The following SPEN variants were observed in gnomAD, a reference collection of about 807,000 sequenced individuals.
SPEN encodes the protein msx2-interacting protein.
SPEN carries 18 observed loss-of-function variants against 269.9 expected under a neutral mutation model. The observed-to-expected ratio is 0.07, with a 90% CI of 0.05 to 0.10. The LOEUF (loss-of-function observed/expected upper bound fraction) is 0.10, where lower values mean the gene tolerates loss of function less well. Among genes scored for constraint, SPEN ranks in the 10% least tolerant of loss-of-function variants. The pLI is 1.00. For synonymous variants in SPEN, 1,726 were observed against 1,765.7 expected, an observed-to-expected ratio of 0.98 and a Z score of 0.56; for missense variants, 3,822 against 4,631.2, an observed-to-expected ratio of 0.83 and a Z score of 5.07.
intron 3 of SPEN, among the ~76,000 whole-genome samples, chr1:15,883,719 T>G (rs2070710183): frequency 6.6e-6 from 1 of 152,186 alleles, no homozygotes. Flanking sequence ...CTGTATATTT[T>G]TTTTTAATTA....
At chr1:15,852,386 A>G (rs188147972) in intron 1 of SPEN, among the ~76,000 whole-genome samples, 104 of 152,346 alleles carry the variant, frequency 6.8e-4, no homozygotes, top group Non-Finnish European at 1.2e-4. Context: ...TAAAAATAAA[A>G]CAAAAAATTC....
chr1:15,884,622 T>C (rs762332302), intron 3 of SPEN, among the ~76,000 whole-genome samples: 76 of 152,240 alleles, frequency 5.0e-4, no homozygotes, highest in Non-Finnish European at 8.7e-4. Flanking sequence ...CTGTACAGTT[T>C]CTTATGATAC....
At chr1:15,863,124 CCTATAGTCCAGCTA>C (rs1307808185) in intron 1 of SPEN, among the ~76,000 whole-genome samples, 2 of 152,094 alleles carry the variant, frequency 1.3e-5, no homozygotes, top group Non-Finnish European at 2.9e-5. Context: ...GTGGTATGTA[CCTATAGTCCAGCTA>C]CTTGGAAGGC....
chr1:15,929,679 C>T lies in SPEN; in HGVS notation c.3439C>T (p.Gln1147Ter). Residue 1147 changes from glutamine to a stop codon, truncating the protein, a stop_gained, in exon 11 of 15, where the codon CAA becomes TAA. Transcript: ENST00000375759. LOFTEE classifies it high-confidence loss of function. This position sits in a 1 kb window ranked among gnomAD's most constrained non-coding sequence, Gnocchi z 5.8. ...RDETPERKSG[Q>*]EKSHSVNTEE... ...TGAAACACCTGAACGTAAATCAGGC[C>T]AAGAGAAATCACATTCAGTAAATAC... 6.2e-7 allele frequency: 1 copy of T among 1,613,950 alleles called. No homozygotes were observed. The highest frequency in any genetic ancestry group is 8.5e-7 in the Non-Finnish European group (1 of 1,179,964).
chr1:15,931,195 C>T lies in SPEN; in HGVS notation c.4955C>T (p.Ser1652Leu), dbSNP rs2071217163. 9 of 1,614,208 alleles carry T rather than the reference C, an allele frequency of 5.6e-6. No individual in the cohort carries two copies. In the East Asian group the frequency reaches 2.0e-4, roughly 36 times the overall value. ...VTVVTLESAP[S>L]ALEKTTGDKT... ...GTCGTAACTCTAGAATCAGCCCCAT[C>T]AGCACTAGAGAAGACCACTGGTGAC... Residue 1652 changes from serine to leucine, a missense_variant, in exon 11 of 15, where the codon TCA (serine) becomes TTA (leucine). Physicochemically the swap from Ser to Leu is moderately radical, Grantham distance 145. Coordinates refer to ENST00000375759, the MANE Select transcript of SPEN (RefSeq NM_015001.3). This position sits in a 1 kb window ranked among gnomAD's most constrained non-coding sequence, Gnocchi z 4.8.
intron 10 of SPEN, among the ~76,000 whole-genome samples, chr1:15,923,135 A>T (rs2071135165): frequency 6.6e-6 from 1 of 152,230 alleles, no homozygotes; most frequent in Non-Finnish European, 1.5e-5. Context: ...TTAAAGTTGA[A>T]TCTCTTAAAT....
intron 3 of SPEN, among the ~76,000 whole-genome samples, chr1:15,895,819 A>G (rs2070836518): frequency 6.6e-6 from 1 of 151,664 alleles, no homozygotes; most frequent in African/African-American, 2.4e-5. Flanking sequence ...AGCTGGGACT[A>G]CAGGCATGCG....
intron 3 of SPEN, among the ~76,000 whole-genome samples, chr1:15,899,682 C>T (rs1030964846): frequency 1.3e-5 from 2 of 150,702 alleles, no homozygotes; most frequent in African/African-American, 4.9e-5. Flanking sequence ...TTATGATTTG[C>T]GTTTCCCTAA....
chr1:15,859,905 C>CTTTTTTTTTTTTTTT lies in SPEN; in HGVS notation c.83+11765_83+11779dup, dbSNP rs34195453. 2.8e-4 allele frequency among the ~76,000 whole-genome samples: 22 copies of CTTTTTTTTTTTTTTT among 79,630 alleles called. 4 individuals carry two copies. Among genetic ancestry groups the CTTTTTTTTTTTTTTT allele is most frequent in the African/African-American group, 9.6e-4 (18 of 18,770 alleles). 52.2% of individuals were successfully genotyped at this position (79,630 alleles called of 152,430 possible). A position where few individuals can be genotyped will look rare whatever the true frequency, so the allele number is the denominator to read the frequency against. ...AGTATAAAGAATGATCAGTTAACAT[C>CTTTTTTTTTTTTTTT]TTTTTTTTTTTTTTTTTTTTTTTTG... On this transcript the variant is annotated intron_variant, in intron 1 of 14. Coordinates refer to ENST00000375759, the MANE Select transcript of SPEN (RefSeq NM_015001.3).
chr1:15,877,274 T>C (rs950429107), intron 3 of SPEN, among the ~76,000 whole-genome samples: 3 of 152,144 alleles, frequency 2.0e-5, no homozygotes, highest in African/African-American at 4.8e-5. Context: ...TCTACAAATA[T>C]ATATATATAT....
At position 15,848,658 on chromosome 1, in the gene SPEN, G is replaced by A. The variant is rs1350512384; in HGVS notation, c.83+508G>A. 6.6e-6 allele frequency among the ~76,000 whole-genome samples: 1 copy of A among 152,196 alleles called. No homozygotes were observed. Among genetic ancestry groups the A allele is most frequent in the Admixed American group, 6.5e-5 (1 of 15,286 alleles). ...GAAAGGCGGTGCGAAAACAGAAGTC[G>A]CAGTAGGTACTGTGGTCGCGTCGCG... On this transcript the variant is annotated intron_variant, in intron 1 of 14. Coordinates refer to ENST00000375759, the MANE Select transcript of SPEN (RefSeq NM_015001.3). This position sits in a 1 kb window ranked among gnomAD's most constrained non-coding sequence, Gnocchi z 5.1.
intron 1 of SPEN, among the ~76,000 whole-genome samples, chr1:15,853,300 C>T (rs2070354422): frequency 1.3e-5 from 2 of 151,518 alleles, no homozygotes; most frequent in South Asian, 2.1e-4. Context: ...ACTTCTTGTG[C>T]CATAGCCTCC....
At chr1:15,863,293 A>G (rs1345774184) in intron 1 of SPEN, among the ~76,000 whole-genome samples, 1 of 151,788 alleles carries the variant, frequency 6.6e-6, no homozygotes, top group African/African-American at 2.4e-5. Flanking sequence ...GACACATATA[A>G]TTTTTTTCCT....
chr1:15,933,124 C>G lies in SPEN; in HGVS notation c.6884C>G (p.Pro2295Arg). 1 of 1,614,170 alleles carries G rather than the reference C, an allele frequency of 6.2e-7. No individual in the cohort carries two copies. The highest frequency in any genetic ancestry group is 8.5e-7 in the Non-Finnish European group (1 of 1,180,036). Residue 2295 changes from proline (P) to arginine (R), a missense_variant, in exon 11 of 15, where the codon CCA (proline) becomes CGA (arginine). Pro to Arg is a moderately radical substitution (Grantham distance 103). Transcript: ENST00000375759. This position sits in a 1 kb window ranked among gnomAD's most constrained non-coding sequence, Gnocchi z 5.7. ...AATGCTCCTGACCCCTCAGCCGGCC[C>G]AACAGATACCAAGGAAGCCAGAGGA... ...PVNAPDPSAG[P>R]TDTKEARGNS...
At chr1:15,938,958 C>A in intron 14 of SPEN, 82 bp downstream of exon 14, 2 of 1,512,700 alleles carry the variant, frequency 1.3e-6, no homozygotes, top group South Asian at 1.2e-5. Flanking sequence ...CATCTGGTGC[C>A]CACTAGATCT....
chr1:15,854,079 G>A (rs1472545674), intron 1 of SPEN, among the ~76,000 whole-genome samples: 1 of 152,158 alleles, frequency 6.6e-6, no homozygotes, highest in Non-Finnish European at 1.5e-5. Flanking sequence ...GGGATTACAG[G>A]CGCCAGCCAC....
In SPEN at chr1:15,859,606, T is replaced by C. The variant is rs955042819; in HGVS notation, c.83+11456T>C. On this transcript the variant is annotated intron_variant, in intron 1 of 14. Transcript: ENST00000375759. ...GGATGGTCTCTATCTCCTGACCTTG[T>C]GATCCGCCCGCCTCGGCCTCCCAAA... 3.3e-5 allele frequency among the ~76,000 whole-genome samples: 5 copies of C among 152,060 alleles called. No individual in the cohort carries two copies. The South Asian group carries it at 1.0e-3, about 32-fold the overall frequency.
rs780359509 is a variant in SPEN at position 15,928,711 on chromosome 1, G to T, written c.2471G>T (p.Arg824Leu). 31 of 1,613,862 alleles carry T rather than the reference G, an allele frequency of 1.9e-5. No homozygotes were observed. The highest frequency in any genetic ancestry group is 2.5e-5 in the Non-Finnish European group (29 of 1,180,032). Residue 824 changes from arginine (R) to leucine (L), a missense_variant, in exon 11 of 15, where the codon CGC becomes CTC. Arg to Leu is a moderately radical substitution (Grantham distance 102). Coordinates refer to ENST00000375759, the MANE Select transcript of SPEN (RefSeq NM_015001.3). The surrounding 1 kb of genome is among the most constrained non-coding windows in gnomAD (Gnocchi z 5.7). Reference protein sequence around the residue: ...VEKDKTDKQKRKGKVHSPSSQ... With the variant: ...VEKDKTDKQKLKGKVHSPSSQ... ...AAGGACAAAACTGACAAGCAGAAAC[G>T]CAAAGGAAAGGTTCACTCCCCTAGT...
In SPEN at chr1:15,848,076, G is replaced by C. The variant is rs1383422334; in HGVS notation, c.9G>C (p.Arg3=). The C allele has an allele frequency of 6.8e-7, 1 of 1,465,558 alleles. No homozygotes were observed. Among genetic ancestry groups the C allele is most frequent in the Admixed American group, 2.2e-5 (1 of 45,628 alleles). The allele number at this position is 1,465,558 out of a possible 1,614,324, so 90.8% of individuals were successfully genotyped here. A position where few individuals can be genotyped will look rare whatever the true frequency, so the allele number is the denominator to read the frequency against. Residue 3 remains arginine, a synonymous_variant, in exon 1 of 15, where the codon CGG becomes CGC. Transcript: ENST00000375759. This position sits in a 1 kb window ranked among gnomAD's most constrained non-coding sequence, Gnocchi z 5.1. Reference sequence around the variant, plus strand: ...CCGGCACGCCGCCCAGCATGGTCCGGGAAACCAGGCATCTCTGGGTGGGCA... The same window carrying C: ...CCGGCACGCCGCCCAGCATGGTCCGCGAAACCAGGCATCTCTGGGTGGGCA... The part of the protein sequence containing the change: MV[R]ETRHLWVGNL...
Sources: gnomAD v4.1 joint callset for allele counts (sites outside exome capture counted in the v4.1 genomes callset) on GRCh38, gnomAD v4.1.1 for gene constraint, Gnocchi (gnomAD v3.1) non-coding constraint, MANE v1.5 for transcripts, NCBI Gene and HGNC (gene_info 2026-07-23, HGNC 2026-07-21) for gene names.